RABGAP1: variants seen among roughly 807,000 people sequenced by gnomAD.
RABGAP1 encodes the protein RAB GTPase activating protein 1, also known as rab GTPase-activating protein 1.
A neutral mutation model predicts 137.6 loss-of-function variants in RABGAP1; 23 were observed. That is an observed-to-expected ratio of 0.17 (90% CI 0.12 to 0.24). The LOEUF is 0.24. Among genes scored for constraint, RABGAP1 ranks in the 10% least tolerant of loss-of-function variants. The pLI, the probability that RABGAP1 is intolerant of heterozygous loss-of-function variation, is 1.00. For missense variants in RABGAP1, 906 were observed against 1,275.8 expected, an observed-to-expected ratio of 0.71 and a Z score of 4.42; for synonymous variants, 451 against 450.7, an observed-to-expected ratio of 1.00 and a Z score of -0.01.
intron 1 of RABGAP1, among the ~76,000 whole-genome samples, chr9:122,950,382 T>TTTC (rs1834175400): frequency 7.1e-6 from 1 of 139,924 alleles, no homozygotes; most frequent in Admixed American, 7.0e-5. Flanking sequence ...TCTTTCTTTT[T>TTTC]TTTTTTTTTT....
chr9:122,947,465 A>G (rs1293914791), intron 1 of RABGAP1, among the ~76,000 whole-genome samples: 2 of 152,254 alleles, frequency 1.3e-5, no homozygotes, highest in African/African-American at 4.8e-5. Flanking sequence ...TCCGTGGCTA[A>G]GATGGTAATG....
At chr9:123,022,941 T>C (rs2031736040) in intron 13 of RABGAP1, among the ~76,000 whole-genome samples, 2 of 152,268 alleles carry the variant, frequency 1.3e-5, no homozygotes, top group South Asian at 4.1e-4. Flanking sequence ...TAAGGTACTT[T>C]TTACAGTCTA....
chr9:123,024,139 G>A (rs892614224), intron 13 of RABGAP1, among the ~76,000 whole-genome samples: 2 of 152,142 alleles, frequency 1.3e-5, no homozygotes, highest in African/African-American at 4.8e-5. Flanking sequence ...ATTTCAATAA[G>A]CAATGGAGTT....
At chr9:122,946,596 A>G (rs1439399518) in intron 1 of RABGAP1, among the ~76,000 whole-genome samples, 2 of 152,224 alleles carry the variant, frequency 1.3e-5, no homozygotes, top group Non-Finnish European at 2.9e-5. Context: ...GTACATTAAC[A>G]TTAAGCTGAC....
intron 13 of RABGAP1, among the ~76,000 whole-genome samples, chr9:123,053,579 GTTAC>G (rs2033575983): frequency 6.6e-6 from 1 of 152,106 alleles, no homozygotes; most frequent in African/African-American, 2.4e-5. Flanking sequence ...ACCAAAAATT[GTTAC>G]TTTATTCCTG....
chr9:123,020,487 A>G (rs1362369177), intron 13 of RABGAP1, 28 bp downstream of exon 13: 3 of 1,493,174 alleles, frequency 2.0e-6, no homozygotes, highest in Non-Finnish European at 2.7e-6. Flanking sequence ...CAGCTTCAGC[A>G]TTAATCCTTT....
At chr9:123,021,616 TG>T (rs2031645485) in intron 13 of RABGAP1, among the ~76,000 whole-genome samples, 1 of 152,216 alleles carries the variant, frequency 6.6e-6, no homozygotes, top group Non-Finnish European at 1.5e-5. Context: ...CTGCCTCACC[TG>T]GCCTGGAAAA....
intron 18 of RABGAP1, 114 bp from the exon 19 acceptor site, chr9:123,076,520 A>G: frequency 7.7e-7 from 1 of 1,290,670 alleles, no homozygotes; most frequent in Admixed American, 2.7e-5. Context: ...ACAAAAGCTA[A>G]GAAGTATCTT....
intron 2 of RABGAP1, among the ~76,000 whole-genome samples, chr9:122,957,848 A>ACAGG (rs1341008449): frequency 6.6e-6 from 1 of 151,878 alleles, no homozygotes; most frequent in African/African-American, 2.4e-5. Context: ...GGTGAACAAC[A>ACAGG]CAGGCAAAAC....
At chr9:123,025,543 C>CTTTTTTTTTTTTTTTTTTTTTTTT (rs577474947) in intron 13 of RABGAP1, among the ~76,000 whole-genome samples, 2 of 74,998 alleles carry the variant, frequency 2.7e-5, no homozygotes, top group African/African-American at 4.5e-5. Flanking sequence ...TCTTTCTTTT[C>CTTTTTTTTTTTTTTTTTTTTTTTT]TTTTTTTTTT....
chr9:122,977,425 G>T (rs1242992729), intron 2 of RABGAP1, among the ~76,000 whole-genome samples: 1 of 152,188 alleles, frequency 6.6e-6, no homozygotes, highest in Non-Finnish European at 1.5e-5. Context: ...ATGCAGGAGG[G>T]CTGGGTTCGG....
intron 1 of RABGAP1, chr9:122,945,427 T>G (rs1213795179): frequency 6.6e-6 from 1 of 152,122 alleles, no homozygotes; most frequent in African/African-American, 2.4e-5. Context: ...ACCATAATAT[T>G]CTGAGGTACT....
chr9:122,973,903 C>T (rs1410363176), intron 2 of RABGAP1, among the ~76,000 whole-genome samples: 2 of 151,590 alleles, frequency 1.3e-5, no homozygotes, highest in Admixed American at 6.6e-5. Flanking sequence ...CCAGCTACTC[C>T]GGAGGCTGAG....
At chr9:123,019,046 C>G (rs1327836696) in intron 12 of RABGAP1, among the ~76,000 whole-genome samples, 1 of 152,204 alleles carries the variant, frequency 6.6e-6, no homozygotes, top group Non-Finnish European at 1.5e-5. Context: ...CCATCTACCT[C>G]AGATGGTTGT....
chr9:123,099,485 C>T lies in RABGAP1; in HGVS notation c.2825C>T (p.Ser942Phe). ...TTATATTTGTTTCTTTAGATTTGTTCTCAGTTGAGTGAAAGATTGGAGAAG... is the reference window on the plus strand; with the variant it reads ...TTATATTTGTTTCTTTAGATTTGTTTTCAGTTGAGTGAAAGATTGGAGAAG... ...SIIGDYKQIC[S>F]QLSERLEKQQ... The change falls in exon 24 of 26, where the codon TCT (serine) becomes TTT (phenylalanine). Residue 942 changes from serine to phenylalanine, a missense_variant. This residue lies in a region of RABGAP1 where 193 missense variants were observed against 248.1 expected (regional missense o/e 0.78). Transcript: ENST00000373647. 6.2e-7 allele frequency: 1 copy of T among 1,610,920 alleles called. No homozygotes were observed. The highest frequency in any genetic ancestry group is 8.5e-7 in the Non-Finnish European group (1 of 1,177,244).
chr9:123,050,284 A>C (rs1054143333), intron 13 of RABGAP1, among the ~76,000 whole-genome samples: 1 of 152,192 alleles, frequency 6.6e-6, no homozygotes, highest in African/African-American at 2.4e-5. Flanking sequence ...TCAGTTTACT[A>C]TTTCTTTTTG....
At chr9:123,085,572 G>A (rs949282008) in intron 19 of RABGAP1, among the ~76,000 whole-genome samples, 1 of 152,216 alleles carries the variant, frequency 6.6e-6, no homozygotes, top group African/African-American at 2.4e-5. Flanking sequence ...TCTGTTTGAA[G>A]CTGTGATTTC....
intron 2 of RABGAP1, among the ~76,000 whole-genome samples, chr9:122,969,373 T>TG (rs1443741660): frequency 6.6e-6 from 1 of 152,242 alleles, no homozygotes; most frequent in Non-Finnish European, 1.5e-5. Context: ...AAGTGATGCA[T>TG]GATTGTGTTT....
intron 13 of RABGAP1, among the ~76,000 whole-genome samples, chr9:123,026,808 A>G (rs1375792649): frequency 6.6e-6 from 1 of 152,078 alleles, no homozygotes; most frequent in Non-Finnish European, 1.5e-5. Context: ...TCTGATGGTT[A>G]TTTTTTACCT....
Sources: allele counts gnomAD v4.1 joint callset (sites outside exome capture counted in the v4.1 genomes callset), GRCh38; gene constraint gnomAD v4.1.1; regional missense constraint gnomAD v4.1.1; transcripts MANE v1.5; gene names NCBI Gene and HGNC (gene_info 2026-07-23, HGNC 2026-07-21).